The following DGLUCY variants were observed in gnomAD, a reference collection of about 807,000 sequenced individuals.
The protein encoded by DGLUCY is D-glutamate cyclase, also known as D-glutamate cyclase, mitochondrial.
Under a neutral mutation model 58.5 loss-of-function variants are expected in DGLUCY, and 58 were observed. The observed-to-expected ratio is 0.99, with a 90% CI of 0.80 to 1.23. The LOEUF is 1.23. Among genes scored for constraint, DGLUCY ranks in the 50% most tolerant of loss-of-function variants. The pLI is 0.00. For missense variants in DGLUCY, 779 were observed against 784.7 expected (o/e 0.99, Z 0.09); for synonymous variants, 325 against 314.1 (o/e 1.03, Z -0.37).
chr14:91,126,267 G>A (rs745427697), intron 1 of DGLUCY, among the ~76,000 whole-genome samples: 5 of 152,152 alleles, frequency 3.3e-5, no homozygotes, highest in Non-Finnish European at 5.9e-5. Context: ...TCTAGGGAAT[G>A]ATCCTTCCTT....
chr14:91,090,368 T>G (rs759785374), intron 1 of DGLUCY, among the ~76,000 whole-genome samples: 1 of 152,146 alleles, frequency 6.6e-6, no homozygotes, highest in Admixed American at 6.5e-5. Context: ...TGCCTCCACA[T>G]GCTCTGTTTC....
chr14:91,169,116 A>G (rs2048433267), intron 4 of DGLUCY, among the ~76,000 whole-genome samples: 1 of 151,962 alleles, frequency 6.6e-6, no homozygotes. Flanking sequence ...AAAAAACATT[A>G]AAAAAAGAAA....
At chr14:91,195,864 G>T (rs10144359) in intron 9 of DGLUCY, among the ~76,000 whole-genome samples, 24,223 of 151,802 alleles carry the variant, frequency 0.16, 3,000 homozygotes, top group African/African-American at 0.34. Context: ...TGGAGACAGG[G>T]TTTCACCATG....
chr14:91,194,415 C>G (rs1342605355), intron 9 of DGLUCY, among the ~76,000 whole-genome samples: 5 of 152,114 alleles, frequency 3.3e-5, no homozygotes, highest in African/African-American at 1.2e-4. Flanking sequence ...CCCAAATTGC[C>G]AGCTTATGGC....
chr14:91,164,515 G>A (rs1416609162), intron 3 of DGLUCY, among the ~76,000 whole-genome samples: 2 of 152,220 alleles, frequency 1.3e-5, no homozygotes, highest in African/African-American at 4.8e-5. Flanking sequence ...GGATTTGGGT[G>A]TTGTGATCTA....
intron 1 of DGLUCY, among the ~76,000 whole-genome samples, chr14:91,065,156 G>A (rs1307740568): frequency 6.6e-6 from 1 of 152,176 alleles, no homozygotes; most frequent in Non-Finnish European, 1.5e-5. Context: ...TTAGGGATCT[G>A]AGGAGAGTGG....
At chr14:91,183,832 C>T (rs1416322054) in intron 8 of DGLUCY, among the ~76,000 whole-genome samples, 2 of 152,088 alleles carry the variant, frequency 1.3e-5, no homozygotes, top group African/African-American at 2.4e-5. Flanking sequence ...TCAATGGAAA[C>T]GGTAAGTCAC....
At chr14:91,075,974 G>C (rs1438887225) in intron 1 of DGLUCY, among the ~76,000 whole-genome samples, 1 of 152,110 alleles carries the variant, frequency 6.6e-6, no homozygotes, top group Non-Finnish European at 1.5e-5. Flanking sequence ...TTAGCTGGGC[G>C]TGGTGGTGGG....
exon 1 of DGLUCY, chr14:91,060,524 C>T (rs2043625314): frequency 8.1e-7 from 1 of 1,236,264 alleles, no homozygotes. Flanking sequence ...TGCCGCGGCC[C>T]CAGGAGTCGG....
intron 12 of DGLUCY, among the ~76,000 whole-genome samples, chr14:91,211,204 T>G (rs1595932038): frequency 1.3e-5 from 2 of 152,342 alleles, no homozygotes; most frequent in Middle Eastern, 6.8e-3. Flanking sequence ...AATGGAGAGA[T>G]ATTCCATGTT....
At chr14:91,081,060 G>A (rs1340810475) in intron 1 of DGLUCY, among the ~76,000 whole-genome samples, 1 of 152,172 alleles carries the variant, frequency 6.6e-6, no homozygotes, top group Non-Finnish European at 1.5e-5. Flanking sequence ...AAAATTAGCT[G>A]GGCATGGCGG....
intron 13 of DGLUCY, among the ~76,000 whole-genome samples, chr14:91,218,543 C>A (rs1886946001): frequency 6.6e-6 from 1 of 151,930 alleles, no homozygotes; most frequent in African/African-American, 2.4e-5. Flanking sequence ...GCTGGGATTA[C>A]AGGCGCGCAC....
At chr14:91,143,078 T>G (rs2046814108) in intron 1 of DGLUCY, among the ~76,000 whole-genome samples, 1 of 151,296 alleles carries the variant, frequency 6.6e-6, no homozygotes, top group Non-Finnish European at 1.5e-5. Context: ...GGCAGTTCTT[T>G]TTTTGTTTTG....
intron 1 of DGLUCY, among the ~76,000 whole-genome samples, chr14:91,147,536 G>A (rs2047076187): frequency 6.6e-6 from 1 of 152,142 alleles, no homozygotes; most frequent in South Asian, 2.1e-4. Context: ...TCTCTGCAAG[G>A]CTGTTGATAG....
At chr14:91,181,532 A>T (rs2140456397) in intron 8 of DGLUCY, 143 bp downstream of exon 8, 1 of 784,104 alleles carries the variant, frequency 1.3e-6, no homozygotes, top group East Asian at 2.6e-5. Flanking sequence ...ACTGCATATA[A>T]ATCTCAAAAA....
At chr14:91,215,593 CT>C in intron 13 of DGLUCY, 37 bp downstream of exon 13, 1 of 1,612,644 alleles carries the variant, frequency 6.2e-7, no homozygotes. Context: ...CTGGAAGCAG[CT>C]TTTACCCTGG....
intron 5 of DGLUCY, among the ~76,000 whole-genome samples, chr14:91,173,028 G>C (rs190334698): frequency 2.5e-3 from 377 of 152,278 alleles, no homozygotes; most frequent in African/African-American, 8.4e-3. Flanking sequence ...TGCAGTTAAA[G>C]GCATTACTTT....
At chr14:91,209,485 GGATCAC>G (rs949767503) in intron 12 of DGLUCY, among the ~76,000 whole-genome samples, 13 of 152,016 alleles carry the variant, frequency 8.6e-5, no homozygotes, top group African/African-American at 2.9e-4. Flanking sequence ...GAGGCTGGGT[GGATCAC>G]GAGGTCAGGA....
intron 1 of DGLUCY, among the ~76,000 whole-genome samples, chr14:91,141,906 C>T (rs985528956): frequency 2.7e-5 from 4 of 148,338 alleles, no homozygotes; most frequent in South Asian, 2.1e-4. Flanking sequence ...AGTGCAGTGG[C>T]GTGATCTCGG....
Sources: allele counts gnomAD v4.1 joint callset (sites outside exome capture counted in the v4.1 genomes callset), GRCh38; gene constraint gnomAD v4.1.1; transcripts MANE v1.5; gene names NCBI Gene and HGNC (gene_info 2026-07-23, HGNC 2026-07-21).